Variants in EPHA5 observed in about 807,000 individuals in gnomAD.
EPHA5 encodes ephrin type-A receptor 5.
A neutral mutation model predicts 105.0 loss-of-function variants in EPHA5; 60 were observed. The ratio of observed to expected loss-of-function variants is 0.57; its 90% CI spans 0.46 to 0.71. The LOEUF is 0.71. Ranked by LOEUF, EPHA5 falls within the 30% of genes least tolerant of loss-of-function variation. The probability of loss-of-function intolerance (pLI) is 0.00; values close to 1 mark genes in which losing one functional copy is unlikely to be tolerated. For missense variants in EPHA5, 1,218 were observed against 1,274.7 expected (o/e 0.96, Z 0.68); for synonymous variants, 513 against 449.1 (o/e 1.14, Z -1.80).
intron 2 of EPHA5, among the ~76,000 whole-genome samples, chr4:65,612,430 GACTGTTTCTGA>G (rs1744865646): frequency 6.6e-6 from 1 of 152,078 alleles, no homozygotes; most frequent in Non-Finnish European, 1.5e-5. Flanking sequence ...TCTGGAATTT[GACTGTTTCTGA>G]ACTGTTTCAC....
chr4:65,481,765 C>A (rs1420322930), intron 5 of EPHA5, among the ~76,000 whole-genome samples: 1 of 152,010 alleles, frequency 6.6e-6, no homozygotes, highest in Non-Finnish European at 1.5e-5. Flanking sequence ...TGATATAGAA[C>A]CAAGAAAGGA....
chr4:65,609,816 C>T (rs867578090), intron 2 of EPHA5, among the ~76,000 whole-genome samples: 1 of 141,240 alleles, frequency 7.1e-6, no homozygotes, highest in Non-Finnish European at 1.5e-5. Context: ...ATGATTTAAT[C>T]AAGAAAAGTA....
chr4:65,419,047 C>G (rs1451341046), intron 6 of EPHA5, among the ~76,000 whole-genome samples: 1 of 151,138 alleles, frequency 6.6e-6, no homozygotes, highest in Non-Finnish European at 1.5e-5. Flanking sequence ...CCACACCCAG[C>G]TAATTTTTTG....
At chr4:65,626,641 C>A (rs1202028482) in intron 2 of EPHA5, among the ~76,000 whole-genome samples, 2 of 152,088 alleles carry the variant, frequency 1.3e-5, no homozygotes, top group African/African-American at 2.4e-5. Context: ...GGTTATATGC[C>A]ATTATGGCCA....
chr4:65,367,232 CTT>C, intron 9 of EPHA5, 123 bp downstream of exon 9: 1 of 813,510 alleles, frequency 1.2e-6, no homozygotes, highest in Non-Finnish European at 1.8e-6. Flanking sequence ...AAATAGAACA[CTT>C]TTAAAAAAAA....
chr4:65,466,858 T>C (rs2149147058), intron 5 of EPHA5, among the ~76,000 whole-genome samples: 1 of 152,196 alleles, frequency 6.6e-6, no homozygotes, highest in East Asian at 1.9e-4. Context: ...AGTCCTGTTA[T>C]TAAAGTCAGA....
rs2149571325 is a variant in EPHA5, at chr4:65,669,637, G to C, written c.106C>G (p.Arg36Gly). The change falls in exon 1 of 17, where the codon CGA becomes GGA. Residue 36 changes from arginine (R) to glycine (G), a missense_variant. Arg to Gly is a moderately radical substitution (Grantham distance 125, BLOSUM62 -2). This residue lies in a region of EPHA5 where 233 missense variants were observed against 227.5 expected (regional missense o/e 1.02). Transcript: ENST00000613740. Reference sequence around the variant, plus strand: ...AGGCACGTCCAGAGGGGAGCCCGTCGAGGTGCAGAGTAGCAGCCGGCCAGG... The same window carrying C: ...AGGCACGTCCAGAGGGGAGCCCGTCCAGGTGCAGAGTAGCAGCCGGCCAGG... ...ASLAGCYSAPRRAPLWTCLLL... is the reference protein window; with the variant it reads ...ASLAGCYSAPGRAPLWTCLLL... The C allele has an allele frequency of 2.8e-6, 4 of 1,410,626 alleles. No individual in the cohort carries two copies. Among genetic ancestry groups the C allele is most frequent in the South Asian group, 1.7e-5 (1 of 57,460 alleles). The allele number at this position is 1,410,626 out of a possible 1,614,324, so 87.4% of individuals were successfully genotyped here. A position where few individuals can be genotyped will look rare whatever the true frequency, so the allele number is the denominator to read the frequency against.
chr4:65,344,982 G>T (rs1388354259), intron 14 of EPHA5, among the ~76,000 whole-genome samples: 1 of 152,070 alleles, frequency 6.6e-6, no homozygotes, highest in African/African-American at 2.4e-5. Flanking sequence ...GAAATTTCTG[G>T]TATCACTTTC....
chr4:65,351,336 A>T, intron 13 of EPHA5, 53 bp downstream of exon 13: 1 of 1,488,374 alleles, frequency 6.7e-7, no homozygotes, highest in Non-Finnish European at 9.2e-7. Flanking sequence ...CAGAATCTTT[A>T]AAAATAAATG....
At chr4:65,504,385 T>C (rs1732800015) in intron 3 of EPHA5, among the ~76,000 whole-genome samples, 1 of 148,370 alleles carries the variant, frequency 6.7e-6, no homozygotes, top group Admixed American at 6.8e-5. Flanking sequence ...TATATATAGA[T>C]AGAACAAATT....
Position 65,365,152 on chromosome 4 carries a change from C to T in EPHA5, c.2038G>A (p.Glu680Lys), listed in dbSNP as rs765807043. 6.2e-7 allele frequency: 1 copy of T among 1,611,436 alleles called. No individual in the cohort carries two copies. Among genetic ancestry groups the T allele is most frequent in the South Asian group, 1.1e-5 (1 of 90,984 alleles). ...AGGGTTTTGATAGCCACAGGTAATT[C>T]TCTTTTTCCTGGTAGTTTCAAACGT... is the stretch of plus-strand genomic sequence containing the variant. ...SGRLKLPGKRELPVAIKTLKV... is the reference protein window; with the variant it reads ...SGRLKLPGKRKLPVAIKTLKV... The change falls in exon 11 of 17, where the codon GAA (glutamate) becomes AAA (lysine). Residue 680 changes from glutamate (E) to lysine (K), a missense_variant. By Grantham distance (56) the Glu-to-Lys change is moderately conservative. Coordinates refer to ENST00000613740, the MANE Select transcript of EPHA5 (RefSeq NM_001281766.3).
intron 5 of EPHA5, among the ~76,000 whole-genome samples, chr4:65,464,981 C>A (rs1728472387): frequency 6.6e-6 from 1 of 151,890 alleles, no homozygotes; most frequent in Admixed American, 6.6e-5. Flanking sequence ...GAGCTTATAG[C>A]ATAGTAGAAG....
At chr4:65,353,301 A>C (rs1723006364) in intron 11 of EPHA5, among the ~76,000 whole-genome samples, 198 bp from the exon 12 acceptor site, 1 of 147,440 alleles carries the variant, frequency 6.8e-6, no homozygotes, top group Non-Finnish European at 1.5e-5. Flanking sequence ...TAATATATTT[A>C]ATATTTTAAA....
intron 11 of EPHA5, among the ~76,000 whole-genome samples, chr4:65,358,561 A>T (rs1446484329): frequency 6.6e-6 from 1 of 151,634 alleles, no homozygotes; most frequent in Non-Finnish European, 1.5e-5. Context: ...ATGGTCAACC[A>T]GAAAATAGGA....
chr4:65,495,462 T>C lies in EPHA5; in HGVS notation c.992A>G (p.Glu331Gly). The part of the protein sequence containing the change: ...KCPPHSYTHE[E>G]ASTSCVCEKD... ...TTCACAGACACAAGAGGTTGAAGCTTCCTCATGGGTATAACTGTGAGGTGG... is the reference window on the plus strand; with the variant it reads ...TTCACAGACACAAGAGGTTGAAGCTCCCTCATGGGTATAACTGTGAGGTGG... Residue 331 changes from glutamate (E) to glycine (G), a missense_variant, in exon 4 of 17, where the codon GAA becomes GGA. Glu to Gly is a moderately conservative substitution (Grantham distance 98). Around this residue, in one of 3 missense-constraint regions of EPHA5, gnomAD observed 971 missense variants for 1,013.5 expected, o/e 0.96. Transcript: ENST00000613740. 8 of 1,613,918 alleles carry C rather than the reference T, an allele frequency of 5.0e-6. No homozygotes were observed. Among genetic ancestry groups the C allele is most frequent in the Non-Finnish European group, 5.9e-6 (7 of 1,179,852 alleles).
At chr4:65,491,337 T>C (rs1476188623) in intron 4 of EPHA5, among the ~76,000 whole-genome samples, 1 of 152,138 alleles carries the variant, frequency 6.6e-6, no homozygotes, top group Admixed American at 6.5e-5. Flanking sequence ...TATTTTACTT[T>C]GATATTGTTT....
chr4:65,608,508 AAAAAAAGAAAAAAAG>A (rs1310484065), intron 2 of EPHA5, among the ~76,000 whole-genome samples: 1 of 152,026 alleles, frequency 6.6e-6, no homozygotes, highest in African/African-American at 2.4e-5. Context: ...CATCTCAAAA[AAAAAAAGAAAAAAAG>A]AAAAAAGAAA....
chr4:65,503,712 G>A (rs1013209063), intron 3 of EPHA5, among the ~76,000 whole-genome samples: 2 of 151,542 alleles, frequency 1.3e-5, no homozygotes, highest in African/African-American at 4.8e-5. Flanking sequence ...GAACTGTACT[G>A]AACATGGAAT....
chr4:65,519,555 G>A (rs1357801635), intron 3 of EPHA5, among the ~76,000 whole-genome samples: 1 of 148,330 alleles, frequency 6.7e-6, no homozygotes, highest in Non-Finnish European at 1.5e-5. Flanking sequence ...AGGAAATAAA[G>A]GGTATTCAAT....
Sources: gnomAD v4.1 joint callset for allele counts (sites outside exome capture counted in the v4.1 genomes callset) on GRCh38, gnomAD v4.1.1 for gene constraint, gnomAD v4.1.1 regional missense constraint, MANE v1.5 for transcripts, NCBI Gene and HGNC (gene_info 2026-07-23, HGNC 2026-07-21) for gene names.